Variants in TXNL4A observed in about 807,000 individuals in gnomAD.
TXNL4A encodes thioredoxin like 4A.
In TXNL4A, 17 loss-of-function variants were observed where a neutral mutation model predicts 14.6. That is an observed-to-expected ratio of 1.16 (90% CI 0.80 to 1.74). The LOEUF is 1.74. TXNL4A is among the 40% of genes most tolerant of loss of function. TXNL4A has a pLI of 0.00. For synonymous variants in TXNL4A, 83 were observed against 70.6 expected (o/e 1.18, Z -0.88); for missense variants, 74 against 195.2 (o/e 0.38, Z 3.70).
intron 1 of TXNL4A, among the ~76,000 whole-genome samples, chr18:80,027,939 A>T (rs1237044658): frequency 1.3e-5 from 2 of 152,172 alleles, no homozygotes; most frequent in Non-Finnish European, 2.9e-5. Flanking sequence ...TAGAAACTGG[A>T]TACCAAATTC....
At chr18:80,005,133 C>G (rs1447719278) in intron 1 of TXNL4A, among the ~76,000 whole-genome samples, 1 of 152,238 alleles carries the variant, frequency 6.6e-6, no homozygotes, top group Non-Finnish European at 1.5e-5. Context: ...ACACGAGAGT[C>G]TCGTGAGATT....
chr18:80,019,990 T>C (rs554092029), intron 1 of TXNL4A, among the ~76,000 whole-genome samples: 100 of 152,240 alleles, frequency 6.6e-4, no homozygotes, highest in African/African-American at 2.2e-3. Flanking sequence ...TCATCTTGAA[T>C]TGTAACTCCC....
upstream of TXNL4A, among the ~76,000 whole-genome samples, chr18:79,993,151 C>G (rs184252203): frequency 1.3e-5 from 2 of 152,182 alleles, no homozygotes; most frequent in Non-Finnish European, 2.9e-5. This position sits in a 1 kb window ranked among gnomAD's most constrained non-coding sequence, Gnocchi z 4.4. Context: ...GGAACCTGGG[C>G]GAAGGTGGCC....
At chr18:79,977,294 G>A (rs1480149671) in intron 2 of TXNL4A, 4 of 454,574 alleles carry the variant, frequency 8.8e-6, no homozygotes, top group Non-Finnish European at 1.5e-5. Context: ...TTGATGAACA[G>A]ATTATAGTTC....
rs764957287 is a variant in TXNL4A, at chr18:79,984,103, A to G, written c.153+4137T>C. The stretch of plus-strand genomic sequence containing the variant: ...AGCTACAAGGCTGTTTTTTTTCCAG[A>G]GACAAAAATCCAGAGGAAACACCAA... On this transcript the variant is annotated intron_variant, in intron 1 of 2. Transcript: ENST00000269601. Among the ~76,000 whole-genome samples the G allele has an allele frequency of 3.9e-4, 59 of 152,024 alleles. 1 individual carries two copies. The highest frequency in any genetic ancestry group is 2.5e-4 in the Non-Finnish European group (17 of 68,014).
At chr18:80,010,749 A>G (rs1228807051) in intron 1 of TXNL4A, among the ~76,000 whole-genome samples, 1 of 152,212 alleles carries the variant, frequency 6.6e-6, no homozygotes, top group African/African-American at 2.4e-5. Context: ...CTCCAGGCAC[A>G]ACGCCACGTG....
At chr18:80,006,988 G>A (rs570798347) in intron 1 of TXNL4A, among the ~76,000 whole-genome samples, 2 of 152,258 alleles carry the variant, frequency 1.3e-5, no homozygotes, top group African/African-American at 4.8e-5. Context: ...AAATGGAAGG[G>A]GAACCTCCAT....
chr18:80,026,395 A>T (rs1374187452), intron 1 of TXNL4A, among the ~76,000 whole-genome samples: 2 of 152,182 alleles, frequency 1.3e-5, no homozygotes, highest in Non-Finnish European at 2.9e-5. Context: ...TTAGGCTGAA[A>T]TGAAAGAAAA....
rs111436707 is a variant in TXNL4A, at chr18:79,988,427, G to A, written c.-35C>T. 5.0e-6 allele frequency: 7 copies of A among 1,398,606 alleles called. No individual in the cohort carries two copies. In the African/African-American group the frequency reaches 7.4e-5, roughly 15 times the overall value. The allele number at this position is 1,398,606 out of a possible 1,614,324, so 86.6% of individuals were successfully genotyped here. ...CGCGCTCGCCGCCGCCCAAGGCGGG[G>A]CGCCAGGGAGGGCCCAGCGAGGTGG... is the stretch of plus-strand genomic sequence containing the variant. On this transcript the variant is annotated 5_prime_UTR_variant, in exon 1 of 3. Transcript: ENST00000269601.
Position 79,988,371 on chromosome 18 carries a change from G to C in TXNL4A, c.22C>G (p.Leu8Val). MSYMLPH[L>V]HNGWQVDQAI... ...TGGTCCACCTGCCAGCCGTTGTGCAGGTGCGGGAGCATGTACGACATGGCG... is the reference window on the plus strand; with the variant it reads ...TGGTCCACCTGCCAGCCGTTGTGCACGTGCGGGAGCATGTACGACATGGCG... The change falls in exon 1 of 3, where the codon CTG becomes GTG. Residue 8 changes from leucine (L) to valine (V), a missense_variant. Leu to Val is a conservative substitution (Grantham distance 32, BLOSUM62 1). Coordinates refer to ENST00000269601, the MANE Select transcript of TXNL4A (RefSeq NM_006701.5). The C allele has an allele frequency of 6.5e-7, 1 of 1,537,352 alleles. No individual in the cohort carries two copies.
rs1295238578 is a variant in TXNL4A, at chr18:80,011,869, A to AC, written c.-61+21981_-61+21982insG. 6.6e-6 allele frequency among the ~76,000 whole-genome samples: 1 copy of AC among 152,136 alleles called. No homozygotes were observed. The highest frequency in any genetic ancestry group is 1.5e-5 in the Non-Finnish European group (1 of 68,028). On this transcript the variant is annotated intron_variant, in intron 1 of 2. Transcript: ENST00000585474. This position sits in a 1 kb window ranked among gnomAD's most constrained non-coding sequence, Gnocchi z 4.1. ...ATTTTTTAAAGATCTTAAGTAGTTT[A>AC]GACACACGCCTTTGCTCGAGGAAAT...
chr18:79,990,307 CTCTT>C (rs2051617822), upstream of TXNL4A, among the ~76,000 whole-genome samples: 1 of 152,188 alleles, frequency 6.6e-6, no homozygotes, highest in African/African-American at 2.4e-5. Context: ...TCATCTAAAT[CTCTT>C]TCATTTTATA....
chr18:80,020,141 C>G (rs1265552620), intron 1 of TXNL4A, among the ~76,000 whole-genome samples: 1 of 152,218 alleles, frequency 6.6e-6, no homozygotes, highest in Non-Finnish European at 1.5e-5. Flanking sequence ...CCAGCACAGG[C>G]TCTCTCTTTG....
chr18:79,994,362 C>T (rs2051646514), intron 1 of TXNL4A, among the ~76,000 whole-genome samples: 1 of 152,082 alleles, frequency 6.6e-6, no homozygotes. Context: ...GATCACCTCA[C>T]CTCCCTACAG....
chr18:80,025,410 T>C (rs2051877950), intron 1 of TXNL4A, among the ~76,000 whole-genome samples: 1 of 152,178 alleles, frequency 6.6e-6, no homozygotes, highest in Admixed American at 6.5e-5. Context: ...CTTTTCTCCT[T>C]CATGTTTAAC....
intron 1 of TXNL4A, among the ~76,000 whole-genome samples, chr18:80,008,159 C>T (rs747625592): frequency 2.6e-5 from 4 of 152,088 alleles, no homozygotes; most frequent in East Asian, 1.9e-4. Flanking sequence ...AATGTTTTTC[C>T]GGGTGTTATG....
rs371420031 is a variant in TXNL4A at position 80,007,747 on chromosome 18, T to G, written c.-61+26104A>C. Among the ~76,000 whole-genome samples the G allele has an allele frequency of 2.6e-5, 4 of 152,298 alleles. No individual in the cohort carries two copies. In the East Asian group the frequency reaches 5.8e-4, roughly 22 times the overall value. On this transcript the variant is annotated intron_variant, in intron 1 of 2. Coordinates refer to the TXNL4A transcript ENST00000585474. Reference sequence around the variant, plus strand: ...CCTCACTAACTGCCTAAATGATTTCTTTCTAGTTCCTGTATCATGATCAGA... The same window carrying G: ...CCTCACTAACTGCCTAAATGATTTCGTTCTAGTTCCTGTATCATGATCAGA...
intron 1 of TXNL4A, among the ~76,000 whole-genome samples, chr18:80,015,209 T>C (rs575690898): frequency 6.6e-6 from 1 of 152,314 alleles, no homozygotes; most frequent in South Asian, 2.1e-4. Flanking sequence ...TTTGGCTCCT[T>C]GTTACTTATG....
At chr18:79,983,937 A>G (rs532538834) in intron 1 of TXNL4A, among the ~76,000 whole-genome samples, 1 of 152,244 alleles carries the variant, frequency 6.6e-6, no homozygotes, top group Non-Finnish European at 1.5e-5. Context: ...CTGCACCCTC[A>G]ACCGCCGCTC....
Sources: allele counts gnomAD v4.1 joint callset (sites outside exome capture counted in the v4.1 genomes callset), GRCh38; gene constraint gnomAD v4.1.1; non-coding constraint Gnocchi (gnomAD v3.1); transcripts MANE v1.5; gene names NCBI Gene and HGNC (gene_info 2026-07-23, HGNC 2026-07-21).